The following FGGY variants were observed in gnomAD, a reference collection of about 807,000 sequenced individuals.
The protein encoded by FGGY is FGGY carbohydrate kinase domain containing.
A neutral mutation model predicts 71.3 loss-of-function variants in FGGY; 72 were observed. The observed-to-expected ratio is 1.01, with a 90% CI of 0.84 to 1.23. FGGY has a LOEUF of 1.23. FGGY is among the 50% of genes most tolerant of loss of function. FGGY has a pLI of 0.00. For missense variants in FGGY, 668 were observed against 682.3 expected, an observed-to-expected ratio of 0.98 and a Z score of 0.23; for synonymous variants, 251 against 250.3, an observed-to-expected ratio of 1.00 and a Z score of -0.02.
chr1:59,480,344 C>A (rs1042922756), intron 6 of FGGY, among the ~76,000 whole-genome samples: 1 of 152,146 alleles, frequency 6.6e-6, no homozygotes, highest in East Asian at 1.9e-4. Context: ...CCCTTCTCAC[C>A]GCAAGATCTG....
chr1:59,505,609 A>G (rs991878661), intron 6 of FGGY, among the ~76,000 whole-genome samples: 20 of 151,874 alleles, frequency 1.3e-4, no homozygotes, highest in African/African-American at 3.6e-4. Context: ...CCTGGAACCA[A>G]CTCTCCTCCT....
chr1:59,702,873 G>A (rs2097721140), intron 14 of FGGY, among the ~76,000 whole-genome samples: 1 of 152,068 alleles, frequency 6.6e-6, no homozygotes, highest in Non-Finnish European at 1.5e-5. Flanking sequence ...CTTTGTCCTG[G>A]GGCACTCAAT....
chr1:59,597,117 C>T (rs2153803490), intron 8 of FGGY, among the ~76,000 whole-genome samples: 1 of 152,250 alleles, frequency 6.6e-6, no homozygotes, highest in African/African-American at 2.4e-5. Context: ...TCTATCTGGC[C>T]AGAAATGGAG....
chr1:59,652,209 G>A (rs2097169808), intron 11 of FGGY, among the ~76,000 whole-genome samples: 1 of 149,016 alleles, frequency 6.7e-6, no homozygotes, highest in Non-Finnish European at 1.5e-5. Context: ...TTCAACTTTG[G>A]TGAATCTGAC....
rs183958575 is a variant in FGGY at position 59,743,578 on chromosome 1, G to T, written c.1513-14353G>T. Reference sequence around the variant, plus strand: ...GAGCCCAGGCTAAGATTAATACAGGGCTGGAGCCTCCTAATTTCCAGATCT... The same window carrying T: ...GAGCCCAGGCTAAGATTAATACAGGTCTGGAGCCTCCTAATTTCCAGATCT... On this transcript the variant is annotated intron_variant, in intron 14 of 15. Transcript: ENST00000303721. 2.0e-5 allele frequency among the ~76,000 whole-genome samples: 3 copies of T among 150,786 alleles called. No individual in the cohort carries two copies. The Admixed American group carries it at 2.0e-4, about 10-fold the overall frequency.
chr1:59,615,274 A>G (rs1218980518), intron 9 of FGGY, among the ~76,000 whole-genome samples: 1 of 152,194 alleles, frequency 6.6e-6, no homozygotes, highest in Non-Finnish European at 1.5e-5. Flanking sequence ...AGCAACCAAA[A>G]CAGCATGGTA....
chr1:59,505,415 C>T (rs1013747056), intron 6 of FGGY, among the ~76,000 whole-genome samples: 12 of 152,310 alleles, frequency 7.9e-5, no homozygotes, highest in Admixed American at 6.5e-4. Context: ...TAGGTTCAGT[C>T]TGAAAGGACT....
chr1:59,667,219 G>T, intron 12 of FGGY, 64 bp from the exon 13 acceptor site: 1 of 1,604,004 alleles, frequency 6.2e-7, no homozygotes, highest in Non-Finnish European at 8.5e-7. Context: ...AGACATTTAA[G>T]AAGTGTTCCC....
chr1:59,346,508 C>A, intron 4 of FGGY, 110 bp downstream of exon 4: 2 of 1,263,352 alleles, frequency 1.6e-6, no homozygotes, highest in Non-Finnish European at 2.2e-6. Flanking sequence ...TTGATTTTTC[C>A]CAGCAACTAG....
intron 1 of FGGY, among the ~76,000 whole-genome samples, chr1:59,301,233 A>C (rs2042692605): frequency 6.6e-6 from 1 of 152,192 alleles, no homozygotes; most frequent in Non-Finnish European, 1.5e-5. Flanking sequence ...GATATTGTAA[A>C]TGATATTAAA....
intron 5 of FGGY, among the ~76,000 whole-genome samples, chr1:59,430,038 C>T (rs1189790944): frequency 2.0e-5 from 3 of 152,208 alleles, no homozygotes; most frequent in Admixed American, 6.5e-5. Flanking sequence ...ACTTCCTGCC[C>T]CCTCCTCACA....
chr1:59,373,562 A>G (rs916525769), intron 4 of FGGY, among the ~76,000 whole-genome samples: 2 of 152,174 alleles, frequency 1.3e-5, no homozygotes, highest in Non-Finnish European at 2.9e-5. Flanking sequence ...ACTACTTTAA[A>G]GTTCATATGG....
chr1:59,701,981 A>G (rs116728097), intron 14 of FGGY, among the ~76,000 whole-genome samples: 214 of 152,324 alleles, frequency 1.4e-3, no homozygotes, highest in African/African-American at 4.9e-3. Context: ...AGTAGTTTAA[A>G]AACAAAAAAA....
At chr1:59,721,103 C>A (rs1413735593) in intron 14 of FGGY, among the ~76,000 whole-genome samples, 2 of 152,090 alleles carry the variant, frequency 1.3e-5, no homozygotes, top group African/African-American at 2.4e-5. Context: ...TTCCTAGTCA[C>A]CCTATACAAA....
chr1:59,400,458 T>G (rs951714674), intron 5 of FGGY, among the ~76,000 whole-genome samples: 5 of 152,212 alleles, frequency 3.3e-5, no homozygotes, highest in African/African-American at 9.6e-5. Context: ...AAATATCCTC[T>G]TATGGCATAC....
chr1:59,398,924 C>T lies in FGGY; in HGVS notation c.554+20087C>T, dbSNP rs80203608. ...TGCTATTCCCAAAACATGTTTGTGG[C>T]AATGTATGTGGCTTCAAAATGTGGA... is the stretch of plus-strand genomic sequence containing the variant. On this transcript the variant is annotated intron_variant, in intron 5 of 15. Transcript: ENST00000303721. 5.9e-3 allele frequency among the ~76,000 whole-genome samples: 894 copies of T among 152,208 alleles called. 5 individuals are homozygous for T. Among genetic ancestry groups the T allele is most frequent in the Non-Finnish European group, 8.5e-3 (579 of 68,014 alleles).
At chr1:59,587,335 C>A (rs180823351) in intron 8 of FGGY, among the ~76,000 whole-genome samples, 4 of 150,330 alleles carry the variant, frequency 2.7e-5, no homozygotes, top group Non-Finnish European at 4.5e-5. Flanking sequence ...AGGAGGCCTG[C>A]CTGCCTCTGT....
intron 2 of FGGY, among the ~76,000 whole-genome samples, chr1:59,322,215 A>G (rs1322964483): frequency 6.6e-6 from 1 of 151,980 alleles, no homozygotes; most frequent in Non-Finnish European, 1.5e-5. Context: ...AACTTACTCA[A>G]GTTCACACAG....
At chr1:59,518,608 C>G (rs534740515) in intron 7 of FGGY, among the ~76,000 whole-genome samples, 7 of 152,288 alleles carry the variant, frequency 4.6e-5, no homozygotes, top group African/African-American at 1.7e-4. Context: ...CCCCTTGGTG[C>G]TGTTCTCATG....
Sources: allele counts gnomAD v4.1 joint callset (sites outside exome capture counted in the v4.1 genomes callset), GRCh38; gene constraint gnomAD v4.1.1; transcripts MANE v1.5; gene names NCBI Gene and HGNC (gene_info 2026-07-23, HGNC 2026-07-21).